PLEKHH2: variants seen among roughly 807,000 people sequenced by gnomAD.
PLEKHH2 encodes the protein pleckstrin homology domain-containing family H member 2.
A neutral mutation model predicts 187.9 loss-of-function variants in PLEKHH2; 129 were observed. The observed-to-expected ratio is 0.69, with a 90% confidence interval of 0.59 to 0.79. PLEKHH2 has a LOEUF of 0.79. Ranked by LOEUF, PLEKHH2 falls within the 30% of genes least tolerant of loss-of-function variation. PLEKHH2 has a pLI of 0.00. For missense variants in PLEKHH2, 2,076 were observed against 1,751.2 expected, an observed-to-expected ratio of 1.19 and a Z score of -3.31; for synonymous variants, 686 against 605.6, an observed-to-expected ratio of 1.13 and a Z score of -1.95.
intron 19 of PLEKHH2, 82 bp from the exon 20 acceptor site, chr2:43,738,259 C>A: frequency 1.7e-6 from 2 of 1,188,616 alleles, no homozygotes; most frequent in Non-Finnish European, 2.3e-6. Flanking sequence ...AAAACTACTG[C>A]TGAAAAGATA....
At chr2:43,670,714 G>C (rs76211726) in intron 2 of PLEKHH2, among the ~76,000 whole-genome samples, 2 of 152,122 alleles carry the variant, frequency 1.3e-5, no homozygotes, top group Non-Finnish European at 2.9e-5. Context: ...GTGCAGAAAG[G>C]CCTGCTAGGA....
chr2:43,765,482 C>T lies in PLEKHH2; in HGVS notation c.4366C>T (p.His1456Tyr). The T allele has an allele frequency of 6.2e-7, 1 of 1,614,030 alleles. No individual in the cohort carries two copies. The highest frequency in any genetic ancestry group is 1.1e-5 in the South Asian group (1 of 91,068). Residue 1456 changes from histidine (H) to tyrosine (Y), a missense_variant, in exon 30 of 30, where the codon CAC becomes TAC. Physicochemically the swap from His to Tyr is moderately conservative, Grantham distance 83 (BLOSUM62 2). Transcript: ENST00000282406. ...NFHQQKAAFH[H>Y]LSAPALLSAQ... ...CCATCAGCAAAAGGCAGCATTTCAC[C>T]ACCTCTCTGCTCCAGCACTGCTCTC...
At chr2:43,653,371 G>C (rs1010521697) in intron 2 of PLEKHH2, among the ~76,000 whole-genome samples, 1 of 152,108 alleles carries the variant, frequency 6.6e-6, no homozygotes, top group Non-Finnish European at 1.5e-5. Flanking sequence ...AGAAATTAGA[G>C]GATAATGAAA....
chr2:43,699,685 C>A lies in PLEKHH2; in HGVS notation c.727C>A (p.Leu243Ile). Residue 243 changes from leucine (L) to isoleucine (I), a missense_variant, in exon 8 of 30, where the codon CTA (leucine) becomes ATA (isoleucine). Physicochemically the swap from Leu to Ile is conservative, Grantham distance 5 (BLOSUM62 2). Coordinates refer to ENST00000282406, the MANE Select transcript of PLEKHH2 (RefSeq NM_172069.4). The part of the protein sequence containing the change: ...IPEKSVDNQV[L>I]ENNRGQRTLH... ...AGAAAAGTCTGTTGATAACCAAGTT[C>A]TAGAAAACAACAGAGGCCAGAGAAC... 1 of 1,613,664 alleles carries A rather than the reference C, an allele frequency of 6.2e-7. No homozygotes were observed. Among genetic ancestry groups the A allele is most frequent in the South Asian group, 1.1e-5 (1 of 91,012 alleles).
chr2:43,753,553 T>C, intron 24 of PLEKHH2, 66 bp from the exon 25 acceptor site: 1 of 1,309,972 alleles, frequency 7.6e-7, no homozygotes, highest in Non-Finnish European at 1.0e-6. Flanking sequence ...GTCCTCTGGA[T>C]TTATCTTTAC....
At chr2:43,720,563 C>G (rs577139832) in intron 15 of PLEKHH2, 106 bp from the exon 16 acceptor site, 1 of 1,532,922 alleles carries the variant, frequency 6.5e-7, no homozygotes, top group South Asian at 1.2e-5. Flanking sequence ...TCACTTATAT[C>G]TGGGCAAACT....
intron 24 of PLEKHH2, among the ~76,000 whole-genome samples, chr2:43,752,907 C>A (rs945007231): frequency 7.9e-5 from 12 of 152,142 alleles, no homozygotes; most frequent in African/African-American, 2.9e-4. Flanking sequence ...CCTAAAGCTG[C>A]TTATCAGATT....
chr2:43,675,925 T>C, intron 2 of PLEKHH2: 1 of 1,614,076 alleles, frequency 6.2e-7, no homozygotes, highest in Non-Finnish European at 8.5e-7. Flanking sequence ...GTTGTAGTTG[T>C]CACCATACTT....
At chr2:43,647,722 C>T (rs978944963) in intron 2 of PLEKHH2, among the ~76,000 whole-genome samples, 3 of 152,140 alleles carry the variant, frequency 2.0e-5, no homozygotes, top group Admixed American at 2.0e-4. Context: ...CCAGTCAGCC[C>T]CAGGGCTTCT....
At chr2:43,730,014 C>A (rs1230521343) in intron 18 of PLEKHH2, among the ~76,000 whole-genome samples, 1 of 152,070 alleles carries the variant, frequency 6.6e-6, no homozygotes, top group East Asian at 1.9e-4. Context: ...GTTGGCAGTC[C>A]TCACCAACAT....
chr2:43,678,111 C>T (rs188893909), intron 2 of PLEKHH2, among the ~76,000 whole-genome samples: 5,886 of 146,406 alleles, frequency 0.04, 430 homozygotes, highest in African/African-American at 0.14. Context: ...CATTCCAGAC[C>T]GGGCGGCGGG....
intron 2 of PLEKHH2, among the ~76,000 whole-genome samples, chr2:43,677,347 C>T (rs942984654): frequency 5.3e-5 from 8 of 152,158 alleles, no homozygotes; most frequent in Non-Finnish European, 1.0e-4. Flanking sequence ...ACCCTTCGGC[C>T]CTCTGCAGTG....
chr2:43,729,590 A>C (rs777217003), intron 17 of PLEKHH2, 47 bp from the exon 18 acceptor site: 3 of 1,303,802 alleles, frequency 2.3e-6, no homozygotes, highest in Non-Finnish European at 2.1e-6. Context: ...TTTTTTCTTT[A>C]ATCAAAACTG....
At chr2:43,759,834 G>A (rs1672355573) in intron 27 of PLEKHH2, among the ~76,000 whole-genome samples, 1 of 152,066 alleles carries the variant, frequency 6.6e-6, no homozygotes, top group East Asian at 1.9e-4. Flanking sequence ...TGCAACTTTG[G>A]GCAAGTCAGG....
chr2:43,741,853 A>C (rs1254772484), intron 21 of PLEKHH2, among the ~76,000 whole-genome samples: 1 of 152,182 alleles, frequency 6.6e-6, no homozygotes, highest in African/African-American at 2.4e-5. Flanking sequence ...TAAGCAGTAA[A>C]ATTTATGTAT....
At chr2:43,718,463 A>G (rs1015459193) in intron 15 of PLEKHH2, among the ~76,000 whole-genome samples, 6 of 151,922 alleles carry the variant, frequency 3.9e-5, no homozygotes, top group Admixed American at 1.3e-4. Flanking sequence ...ACTTGAACCC[A>G]GTAGGCGGAG....
chr2:43,702,839 C>A (rs1021196928), intron 8 of PLEKHH2, among the ~76,000 whole-genome samples: 6 of 152,050 alleles, frequency 3.9e-5, no homozygotes, highest in African/African-American at 1.4e-4. Flanking sequence ...GTCAGCAGTA[C>A]CTCCGATAGA....
At chr2:43,689,780 G>A (rs1309140493) in intron 3 of PLEKHH2, among the ~76,000 whole-genome samples, 6 of 152,162 alleles carry the variant, frequency 3.9e-5, no homozygotes, top group Non-Finnish European at 7.4e-5. Flanking sequence ...CAGACAGCAA[G>A]GATGCATCCG....
chr2:43,657,202 C>G (rs547898642), intron 2 of PLEKHH2, among the ~76,000 whole-genome samples: 1 of 152,122 alleles, frequency 6.6e-6, no homozygotes, highest in Non-Finnish European at 1.5e-5. Flanking sequence ...TGCGGGTGCT[C>G]GGACAGCTGG....
Sources: gnomAD v4.1 joint callset for allele counts (sites outside exome capture counted in the v4.1 genomes callset) on GRCh38, gnomAD v4.1.1 for gene constraint, MANE v1.5 for transcripts, NCBI Gene and HGNC (gene_info 2026-07-23, HGNC 2026-07-21) for gene names.